Variants in VKORC1L1 observed in about 807,000 individuals in gnomAD.
The protein encoded by VKORC1L1 is vitamin K epoxide reductase complex subunit 1L1, also known as vitamin K epoxide reductase complex subunit 1-like protein 1.
VKORC1L1 carries 2 observed loss-of-function variants against 18.9 expected under a neutral mutation model. That is an observed-to-expected ratio of 0.11 (90% CI 0.04 to 0.33). The LOEUF is 0.33. Among genes scored for constraint, VKORC1L1 ranks in the 10% least tolerant of loss-of-function variants. The pLI is 1.00. For synonymous variants in VKORC1L1, 96 were observed against 100.0 expected (o/e 0.96, Z 0.24); for missense variants, 123 against 224.1 (o/e 0.55, Z 2.88).
At chr7:65,898,201 C>T (rs914504128) in intron 1 of VKORC1L1, among the ~76,000 whole-genome samples, 10 of 147,170 alleles carry the variant, frequency 6.8e-5, no homozygotes, top group Admixed American at 3.5e-4. Context: ...CAATTCTCTG[C>T]CTTAGCCTCC....
chr7:65,920,466 T>G lies in VKORC1L1; in HGVS notation c.195-28205T>G, dbSNP rs369914351. ...ATCCTTCTCCTCCTGGAGCATAGAC[T>G]GGTATAGGAGACACCGTTATTGATT... On this transcript the variant is annotated intron_variant, in intron 1 of 2. Coordinates refer to ENST00000360768, the MANE Select transcript of VKORC1L1 (RefSeq NM_173517.6). 3.2e-4 allele frequency among the ~76,000 whole-genome samples: 48 copies of G among 152,290 alleles called. No homozygotes were observed. The East Asian group carries it at 8.3e-3, about 26-fold the overall frequency.
chr7:65,930,432 G>A lies in VKORC1L1; in HGVS notation c.195-18239G>A, dbSNP rs113863603. Among the ~76,000 whole-genome samples, 346 of 152,308 alleles carry A rather than the reference G, an allele frequency of 2.3e-3. 1 individual carries two copies. The highest frequency in any genetic ancestry group is 3.9e-3 in the Admixed American group (59 of 15,294). On this transcript the variant is annotated intron_variant, in intron 1 of 2. Transcript: ENST00000360768. ...CTCCTGAGTGAGTGGTTAGGGGAGC[G>A]TATTTGGCTTGCTGTGCTTGTTCCT... is the stretch of plus-strand genomic sequence containing the variant.
At chr7:65,874,434 G>T (rs1788790966) in intron 1 of VKORC1L1, among the ~76,000 whole-genome samples, 1 of 152,014 alleles carries the variant, frequency 6.6e-6, no homozygotes, top group African/African-American at 2.4e-5. Context: ...CTGACCTCAG[G>T]TAATCCACCC....
At chr7:65,897,019 TAAAC>T (rs899259384) in intron 1 of VKORC1L1, among the ~76,000 whole-genome samples, 10 of 152,010 alleles carry the variant, frequency 6.6e-5, no homozygotes, top group African/African-American at 2.2e-4. Context: ...AATAAATAAA[TAAAC>T]AGACAACCTA....
chr7:65,885,815 T>C (rs1292743148), intron 1 of VKORC1L1, among the ~76,000 whole-genome samples: 1 of 152,108 alleles, frequency 6.6e-6, no homozygotes, highest in Non-Finnish European at 1.5e-5. Context: ...AGGGCAAATA[T>C]GCTCATTTCC....
At chr7:65,878,731 C>T (rs1191998600) in intron 1 of VKORC1L1, among the ~76,000 whole-genome samples, 5 of 152,054 alleles carry the variant, frequency 3.3e-5, no homozygotes, top group South Asian at 2.1e-4. Flanking sequence ...GGTGAAACCC[C>T]GTCTCTACTA....
chr7:65,949,227 C>T (rs62470925), intron 2 of VKORC1L1, among the ~76,000 whole-genome samples: 5,670 of 152,116 alleles, frequency 0.037, 162 homozygotes, highest in East Asian at 0.09. Context: ...CACCTGTAAT[C>T]CCAGCACTTA....
upstream of VKORC1L1, among the ~76,000 whole-genome samples, chr7:65,871,531 C>T (rs1204839307): frequency 6.6e-6 from 1 of 152,150 alleles, no homozygotes; most frequent in Non-Finnish European, 1.5e-5. Flanking sequence ...CAATAGACTT[C>T]GTAAAAGTGA....
chr7:65,872,503 T>G (rs1243764916), upstream of VKORC1L1, among the ~76,000 whole-genome samples: 1 of 152,008 alleles, frequency 6.6e-6, no homozygotes, highest in African/African-American at 2.4e-5. Context: ...GTTTTTTGTA[T>G]TTTTAGTAGA....
chr7:65,892,586 T>C (rs1457473258), intron 1 of VKORC1L1, among the ~76,000 whole-genome samples: 1 of 152,244 alleles, frequency 6.6e-6, no homozygotes, highest in Non-Finnish European at 1.5e-5. Flanking sequence ...GGTGTGAAGA[T>C]AATCTACATT....
intron 1 of VKORC1L1, among the ~76,000 whole-genome samples, chr7:65,895,480 A>AATATATAT (rs1162173957): frequency 9.4e-4 from 40 of 42,762 alleles, no homozygotes; most frequent in Non-Finnish European, 1.3e-3. Context: ...AAAAAAAAAA[A>AATATATAT]ATATATATAT....
chr7:65,941,629 G>T (rs920945306), intron 1 of VKORC1L1, among the ~76,000 whole-genome samples: 4 of 150,366 alleles, frequency 2.7e-5, no homozygotes, highest in Non-Finnish European at 4.4e-5. Context: ...GGGAATGGGT[G>T]CCTCTAAGGT....
intron 1 of VKORC1L1, among the ~76,000 whole-genome samples, chr7:65,892,723 T>A (rs766030758): frequency 6.6e-6 from 1 of 152,208 alleles, no homozygotes; most frequent in Non-Finnish European, 1.5e-5. Context: ...GATGTTTAGT[T>A]CCATTTATTG....
intron 1 of VKORC1L1, among the ~76,000 whole-genome samples, chr7:65,947,169 G>C (rs781404963): frequency 6.6e-6 from 1 of 151,934 alleles, no homozygotes; most frequent in Non-Finnish European, 1.5e-5. Flanking sequence ...AAACAAAAAG[G>C]ATTGCATAAT....
chr7:65,893,283 C>CT (rs1789138597), intron 1 of VKORC1L1, among the ~76,000 whole-genome samples: 2 of 152,254 alleles, frequency 1.3e-5, no homozygotes, highest in Admixed American at 1.3e-4. Flanking sequence ...TGGCTCATAC[C>CT]TGTAATCCAT....
At chr7:65,893,452 A>G (rs1190107369) in intron 1 of VKORC1L1, among the ~76,000 whole-genome samples, 1 of 152,206 alleles carries the variant, frequency 6.6e-6, no homozygotes, top group East Asian at 1.9e-4. Flanking sequence ...GAGGCAGGAG[A>G]ATCACTTGAA....
At chr7:65,906,531 A>G (rs1001593149) in intron 1 of VKORC1L1, among the ~76,000 whole-genome samples, 25 of 152,284 alleles carry the variant, frequency 1.6e-4, no homozygotes, top group Non-Finnish European at 1.8e-4. Flanking sequence ...GGATCAGGGA[A>G]ACAAGCAGAT....
intron 1 of VKORC1L1, among the ~76,000 whole-genome samples, chr7:65,896,517 C>T (rs565107186): frequency 1.3e-5 from 2 of 151,708 alleles, no homozygotes; most frequent in African/African-American, 4.8e-5. Flanking sequence ...TAATAGGTTC[C>T]GCTCCTATCT....
intron 1 of VKORC1L1, among the ~76,000 whole-genome samples, chr7:65,904,958 G>A (rs919730752): frequency 4.0e-5 from 6 of 151,510 alleles, no homozygotes; most frequent in Non-Finnish European, 8.8e-5. Context: ...TATACACATC[G>A]TATACATATT....
Sources: allele counts gnomAD v4.1 joint callset (sites outside exome capture counted in the v4.1 genomes callset), GRCh38; gene constraint gnomAD v4.1.1; transcripts MANE v1.5; gene names NCBI Gene and HGNC (gene_info 2026-07-23, HGNC 2026-07-21).